C1orf21: variants seen among roughly 807,000 people sequenced by gnomAD.
The protein encoded by C1orf21 is chromosome 1 open reading frame 21, also known as uncharacterized protein C1orf21.
Under a neutral mutation model 18.7 loss-of-function variants are expected in C1orf21, and 3 were observed. The observed-to-expected ratio is 0.16, with a 90% CI of 0.07 to 0.42. The LOEUF is 0.42. C1orf21 is among the 10% of genes least tolerant of loss of function. C1orf21 has a pLI of 0.99. For synonymous variants in C1orf21, 41 were observed against 46.4 expected (o/e 0.88, Z 0.47); for missense variants, 104 against 143.6 (o/e 0.72, Z 1.41).
chr1:184,546,717 C>G (rs10797976), intron 3 of C1orf21, among the ~76,000 whole-genome samples: 26,266 of 152,080 alleles, frequency 0.17, 2,569 homozygotes, highest in East Asian at 0.31. Flanking sequence ...AAAAGCCATC[C>G]GCTCTCAGAG....
chr1:184,464,866 T>G (rs924797557), intron 1 of C1orf21, among the ~76,000 whole-genome samples: 3 of 152,194 alleles, frequency 2.0e-5, no homozygotes, highest in African/African-American at 7.2e-5. Flanking sequence ...TCAACAGGGC[T>G]GGGTCCTGGG....
At chr1:184,473,326 C>T (rs958834554) in intron 1 of C1orf21, among the ~76,000 whole-genome samples, 2 of 152,154 alleles carry the variant, frequency 1.3e-5, no homozygotes, top group Non-Finnish European at 2.9e-5. Flanking sequence ...CTCAGAGCTG[C>T]TCCAGGTCGT....
chr1:184,526,684 G>T (rs1435242546), intron 3 of C1orf21, among the ~76,000 whole-genome samples: 1 of 152,096 alleles, frequency 6.6e-6, no homozygotes, highest in African/African-American at 2.4e-5. Flanking sequence ...CATCAGCTTT[G>T]GAACATAACA....
At chr1:184,420,496 G>A (rs952979536) in intron 1 of C1orf21, among the ~76,000 whole-genome samples, 8 of 152,126 alleles carry the variant, frequency 5.3e-5, no homozygotes, top group Non-Finnish European at 7.3e-5. Context: ...TAGGCCTGTG[G>A]TAATAAATCA....
At chr1:184,575,489 C>A (rs1294669084) in intron 3 of C1orf21, among the ~76,000 whole-genome samples, 1 of 151,266 alleles carries the variant, frequency 6.6e-6, no homozygotes, top group Non-Finnish European at 1.5e-5. Flanking sequence ...TGAGTAAGGA[C>A]CTAAATTTAC....
chr1:184,579,494 CTT>C (rs60469440), intron 3 of C1orf21, among the ~76,000 whole-genome samples: 23,402 of 98,064 alleles, frequency 0.24, 2,603 homozygotes, highest in East Asian at 0.3. Flanking sequence ...TCAAGATTTT[CTT>C]TTTTTTTTTT....
At chr1:184,452,536 C>T (rs1387744099) in intron 1 of C1orf21, among the ~76,000 whole-genome samples, 1 of 152,162 alleles carries the variant, frequency 6.6e-6, no homozygotes, top group Admixed American at 6.5e-5. Context: ...TCCCATGTAA[C>T]ATGAGGCAAA....
Position 184,477,610 on chromosome 1 carries a change from C to G in C1orf21, c.94+7C>G, listed in dbSNP as rs1428031901. The G allele has an allele frequency of 6.2e-7, 1 of 1,611,966 alleles. No homozygotes were observed. The highest frequency in any genetic ancestry group is 2.2e-5 in the East Asian group (1 of 44,838). ...AACGGAGATGTGTTTGGCGGTGAGT[C>G]CTATCAAACTTGACTCTTGACCCAT... On this transcript the variant is annotated splice_region_variant and intron_variant, in intron 2 of 5. Transcript: ENST00000235307.
chr1:184,502,657 T>G (rs1003976224), intron 2 of C1orf21, among the ~76,000 whole-genome samples: 1 of 152,190 alleles, frequency 6.6e-6, no homozygotes, highest in African/African-American at 2.4e-5. Context: ...TTTACAAATA[T>G]GTACAGTCTT....
intron 1 of C1orf21, among the ~76,000 whole-genome samples, chr1:184,446,439 T>C (rs866199930): frequency 1.1e-4 from 17 of 152,186 alleles, no homozygotes; most frequent in Non-Finnish European, 1.0e-4. Flanking sequence ...ACACTCCCTA[T>C]AAATTATTCT....
chr1:184,432,320 C>T (rs1656778139), intron 1 of C1orf21, among the ~76,000 whole-genome samples: 1 of 152,138 alleles, frequency 6.6e-6, no homozygotes, highest in African/African-American at 2.4e-5. Context: ...GGCACATATA[C>T]ATGGAATACT....
intron 3 of C1orf21, among the ~76,000 whole-genome samples, chr1:184,531,719 A>C (rs1442262575): frequency 6.6e-6 from 1 of 152,076 alleles, no homozygotes; most frequent in East Asian, 1.9e-4. Context: ...AGCCGACTTT[A>C]AATTTCATTT....
intron 1 of C1orf21, among the ~76,000 whole-genome samples, chr1:184,474,509 A>G (rs1299312109): frequency 6.6e-6 from 1 of 152,218 alleles, no homozygotes; most frequent in South Asian, 2.1e-4. Context: ...TTTTGTGCAA[A>G]CACAACTTTT....
intron 3 of C1orf21, among the ~76,000 whole-genome samples, chr1:184,522,184 T>C (rs1313271099): frequency 6.6e-6 from 1 of 152,088 alleles, no homozygotes; most frequent in Non-Finnish European, 1.5e-5. Context: ...GATGGAAACA[T>C]GGAAAAATAT....
At chr1:184,403,463 A>T (rs574723150) in intron 1 of C1orf21, among the ~76,000 whole-genome samples, 1 of 152,300 alleles carries the variant, frequency 6.6e-6, no homozygotes, top group African/African-American at 2.4e-5. Context: ...ATGCAGAAGG[A>T]TAATTAATTA....
At chr1:184,411,206 C>T (rs1292705844) in intron 1 of C1orf21, among the ~76,000 whole-genome samples, 9 of 152,146 alleles carry the variant, frequency 5.9e-5, no homozygotes, top group African/African-American at 2.2e-4. Flanking sequence ...ACTGGCTTCT[C>T]TAGGTTCTAG....
intron 5 of C1orf21, among the ~76,000 whole-genome samples, chr1:184,605,860 C>T (rs927255601): frequency 4.6e-5 from 7 of 152,142 alleles, no homozygotes; most frequent in African/African-American, 1.2e-4. Context: ...TGGTTGAAGT[C>T]GCCTGTGTTT....
At chr1:184,577,689 A>C (rs1219757674) in intron 3 of C1orf21, among the ~76,000 whole-genome samples, 1 of 152,122 alleles carries the variant, frequency 6.6e-6, no homozygotes, top group Non-Finnish European at 1.5e-5. Context: ...GCAGTTTCTC[A>C]GTTTAGTGGG....
intron 2 of C1orf21, 136 bp from the exon 3 acceptor site, chr1:184,507,452 A>G (rs1272895839): frequency 7.5e-6 from 5 of 666,492 alleles, no homozygotes; most frequent in South Asian, 2.1e-5. Context: ...CTTCTTCCAG[A>G]TTGTTCCAAA....
Sources: gnomAD v4.1 joint callset for allele counts (sites outside exome capture counted in the v4.1 genomes callset) on GRCh38, gnomAD v4.1.1 for gene constraint, MANE v1.5 for transcripts, NCBI Gene and HGNC (gene_info 2026-07-23, HGNC 2026-07-21) for gene names.